The following RBMS3 variants were observed in gnomAD, a reference collection of about 807,000 sequenced individuals.
The protein encoded by RBMS3 is RNA binding motif single stranded interacting protein 3.
RBMS3 carries 27 observed loss-of-function variants against 66.8 expected under a neutral mutation model. The observed-to-expected ratio is 0.40, with a 90% CI of 0.30 to 0.56. The LOEUF (loss-of-function observed/expected upper bound fraction) is 0.56, where lower values mean the gene tolerates loss of function less well. RBMS3 is among the 20% of genes least tolerant of loss of function. The pLI is 0.40. For missense variants in RBMS3, 513 were observed against 549.5 expected (o/e 0.93, Z 0.66); for synonymous variants, 188 against 183.0 (o/e 1.03, Z -0.22).
chr3:29,796,712 C>CTTTTTTTTTTTTTTTTTTTTTTTTTT (rs71295051), intron 6 of RBMS3, among the ~76,000 whole-genome samples: 5 of 115,288 alleles, frequency 4.3e-5, no homozygotes, highest in African/African-American at 1.5e-4. Context: ...TGAAAGGAAT[C>CTTTTTTTTTTTTTTTTTTTTTTTTTT]TTTTTTTTTT....
chr3:29,294,159 A>G (rs1463455123), intron 1 of RBMS3, among the ~76,000 whole-genome samples: 4 of 151,830 alleles, frequency 2.6e-5, no homozygotes, highest in Non-Finnish European at 5.9e-5. Context: ...GTATTAGTCT[A>G]TCTTGTTTTG....
chr3:29,387,588 G>A (rs1367368623), intron 1 of RBMS3, among the ~76,000 whole-genome samples: 1 of 151,982 alleles, frequency 6.6e-6, no homozygotes, highest in East Asian at 1.9e-4. Flanking sequence ...TCTCCACCGT[G>A]CAGCCAGAGT....
At chr3:29,583,653 A>G (rs1232091264) in intron 3 of RBMS3, among the ~76,000 whole-genome samples, 2 of 152,088 alleles carry the variant, frequency 1.3e-5, no homozygotes, top group Non-Finnish European at 2.9e-5. Flanking sequence ...CAACACTTTC[A>G]TGAAGTTTCT....
At chr3:29,662,085 T>C (rs542248021) in intron 4 of RBMS3, among the ~76,000 whole-genome samples, 2 of 152,338 alleles carry the variant, frequency 1.3e-5, no homozygotes, top group East Asian at 3.9e-4. Flanking sequence ...CATTGACCTT[T>C]TGGGAGGAAA....
intron 12 of RBMS3, among the ~76,000 whole-genome samples, chr3:29,954,472 G>A (rs1695890382): frequency 6.6e-6 from 1 of 151,928 alleles, no homozygotes; most frequent in Non-Finnish European, 1.5e-5. Flanking sequence ...TTTAAGTGTA[G>A]CTACAAGTTT....
intron 6 of RBMS3, among the ~76,000 whole-genome samples, chr3:29,800,098 T>A (rs1225803691): frequency 6.6e-6 from 1 of 152,190 alleles, no homozygotes; most frequent in East Asian, 1.9e-4. Context: ...AGTTTTAACT[T>A]CTTGAAAATT....
Position 29,288,763 on chromosome 3 carries a change from A to G in RBMS3, c.75+7007A>G, listed in dbSNP as rs984725307. Among the ~76,000 whole-genome samples, 6 of 152,058 alleles carry G rather than the reference A, an allele frequency of 3.9e-5. 1 individual carries two copies. The highest frequency in any genetic ancestry group is 1.9e-4 in the East Asian group (1 of 5,150). ...ATTATTTCGACTGAATCCAAAACCT[A>G]CAAATCCGCAAAACCTACAATCTCT... is the stretch of plus-strand genomic sequence containing the variant. On this transcript the variant is annotated intron_variant, in intron 1 of 14. Coordinates refer to ENST00000383767, the MANE Select transcript of RBMS3 (RefSeq NM_001003793.3).
At chr3:29,297,183 G>A (rs1319471843) in intron 1 of RBMS3, among the ~76,000 whole-genome samples, 4 of 151,594 alleles carry the variant, frequency 2.6e-5, no homozygotes, top group Non-Finnish European at 5.9e-5. Context: ...TAATATTTCA[G>A]CTTCTTGTCA....
chr3:29,669,429 T>G (rs2050900643), intron 4 of RBMS3, among the ~76,000 whole-genome samples: 1 of 152,234 alleles, frequency 6.6e-6, no homozygotes, highest in Non-Finnish European at 1.5e-5. Flanking sequence ...GAAAGTCATC[T>G]ATCTAAGTGC....
intron 2 of RBMS3, among the ~76,000 whole-genome samples, chr3:29,438,747 A>G (rs2125733180): frequency 6.6e-6 from 1 of 152,334 alleles, no homozygotes; most frequent in African/African-American, 2.4e-5. Context: ...TTCTCAATCA[A>G]GAAATATTTA....
chr3:29,575,764 G>T (rs1188651013), intron 3 of RBMS3, among the ~76,000 whole-genome samples: 1 of 151,780 alleles, frequency 6.6e-6, no homozygotes, highest in Non-Finnish European at 1.5e-5. Context: ...TCTTCTGCTT[G>T]ATCAGTTTTA....
At chr3:29,281,843 AACCCCC>A in intron 1 of RBMS3, 87 bp downstream of exon 1, 1 of 1,110,254 alleles carries the variant, frequency 9.0e-7, no homozygotes, top group Non-Finnish European at 1.3e-6. Context: ...ATTATTAGTT[AACCCCC>A]ACCCCCATCA....
chr3:29,385,379 C>T (rs1445862478), intron 1 of RBMS3, among the ~76,000 whole-genome samples: 1 of 152,094 alleles, frequency 6.6e-6, no homozygotes, highest in Non-Finnish European at 1.5e-5. Context: ...CTCTGGAACT[C>T]GGTCATACAG....
intron 1 of RBMS3, among the ~76,000 whole-genome samples, chr3:29,308,213 A>G (rs767627907): frequency 6.6e-6 from 1 of 151,892 alleles, no homozygotes; most frequent in Non-Finnish European, 1.5e-5. Context: ...TAGAGTTACA[A>G]ACTTCTCATA....
At chr3:29,922,256 G>A (rs2060802532) in intron 10 of RBMS3, among the ~76,000 whole-genome samples, 1 of 152,000 alleles carries the variant, frequency 6.6e-6, no homozygotes, top group Non-Finnish European at 1.5e-5. Context: ...GGGAGGCCGA[G>A]GCGGGTGGAT....
intron 3 of RBMS3, among the ~76,000 whole-genome samples, chr3:29,573,533 T>C (rs1220194077): frequency 1.3e-5 from 2 of 152,174 alleles, no homozygotes; most frequent in African/African-American, 4.8e-5. Flanking sequence ...ATGTTTCATC[T>C]ATCTTTTGTA....
chr3:29,311,333 A>G (rs994553529), intron 1 of RBMS3, among the ~76,000 whole-genome samples: 20 of 151,744 alleles, frequency 1.3e-4, no homozygotes, highest in African/African-American at 4.6e-4. Context: ...TGAAAAATCT[A>G]ATAACGGTTT....
At chr3:29,942,542 A>G (rs1449748181) in intron 11 of RBMS3, among the ~76,000 whole-genome samples, 1 of 151,340 alleles carries the variant, frequency 6.6e-6, no homozygotes, top group Non-Finnish European at 1.5e-5. Context: ...AGAGAGAAAG[A>G]GAAAGAAAAA....
chr3:29,522,901 A>G (rs1266503232), intron 3 of RBMS3, among the ~76,000 whole-genome samples: 1 of 152,172 alleles, frequency 6.6e-6, no homozygotes, highest in Non-Finnish European at 1.5e-5. Context: ...CTCTGAATGC[A>G]GAATTCCCAT....
Sources: allele counts gnomAD v4.1 joint callset (sites outside exome capture counted in the v4.1 genomes callset), GRCh38; gene constraint gnomAD v4.1.1; transcripts MANE v1.5; gene names NCBI Gene and HGNC (gene_info 2026-07-23, HGNC 2026-07-21).